Variants in CYP4F12 observed in about 807,000 individuals in gnomAD.
CYP4F12 encodes the protein cytochrome P450 4F12.
Under a neutral mutation model 56.5 loss-of-function variants are expected in CYP4F12, and 60 were observed. The ratio of observed to expected loss-of-function variants is 1.06; its 90% CI spans 0.86 to 1.32. The LOEUF is 1.32. CYP4F12 is among the 40% of genes most tolerant of loss of function. The pLI is 0.00. For missense variants in CYP4F12, 711 were observed against 683.5 expected (o/e 1.04, Z -0.45); for synonymous variants, 263 against 264.9 (o/e 0.99, Z 0.07).
rs777683740 is a variant in CYP4F12, at chr19:15,696,011, C to A, written c.1191C>A (p.Phe397Leu). ...ESLRLHPPAP[F>L]ISRCCTQDIV... is the part of the protein sequence containing the mutation. ...TGAGGTTACATCCCCCAGCTCCCTT[C>A]ATCTCCCGATGCTGCACCCAGGACA... Residue 397 changes from phenylalanine to leucine, a missense_variant, in exon 10 of 13, where the codon TTC becomes TTA. Phe to Leu is a conservative substitution (Grantham distance 22). Transcript: ENST00000550308. 3 of 1,614,068 alleles carry A rather than the reference C, an allele frequency of 1.9e-6. No individual in the cohort carries two copies. Among genetic ancestry groups the A allele is most frequent in the Non-Finnish European group, 1.7e-6 (2 of 1,179,986 alleles).
chr19:15,675,552 A>T (rs1568412791), intron 2 of CYP4F12, among the ~76,000 whole-genome samples: 1 of 152,232 alleles, frequency 6.6e-6, no homozygotes, highest in Non-Finnish European at 1.5e-5. Context: ...ACCTCCTTCC[A>T]TGGGGACCTT....
Position 15,680,288 on chromosome 19 carries a change from C to G in CYP4F12, c.388C>G (p.Pro130Ala), listed in dbSNP as rs1418409285. ...KDNLFIRFLK[P>A]WLGEGILLSG... ...TAATCTCTTCATCAGGTTCCTGAAG[C>G]CCTGGCTGGGTGAGTACCTGCAGGT... The change falls in exon 4 of 13, where the codon CCC (proline) becomes GCC (alanine). Residue 130 changes from proline to alanine, a missense_variant. By Grantham distance (27) the Pro-to-Ala change is conservative. Coordinates refer to ENST00000550308, the MANE Select transcript of CYP4F12 (RefSeq NM_023944.4). 2 of 1,611,894 alleles carry G rather than the reference C, an allele frequency of 1.2e-6. No individual in the cohort carries two copies.
chr19:15,682,543 C>T, intron 6 of CYP4F12, 33 bp downstream of exon 6: 1 of 1,610,428 alleles, frequency 6.2e-7, no homozygotes, highest in Non-Finnish European at 8.5e-7. Flanking sequence ...GGATATGAAT[C>T]CATGGACCAA....
intron 2 of CYP4F12, 106 bp downstream of exon 2, chr19:15,673,833 G>C (rs1471782428): frequency 1.5e-6 from 2 of 1,304,286 alleles, no homozygotes; most frequent in Non-Finnish European, 2.1e-6. Context: ...TGGGGTCTGC[G>C]ACCCCAGAGA....
rs944932677 is a variant in CYP4F12 at position 15,683,107 on chromosome 19, A to G, written c.648-386A>G. The stretch of plus-strand genomic sequence containing the variant: ...GACAGAGAGACAGAGAGAGAGAGAG[A>G]GAAAGAGAGAGAGAGTTGGTTATGC... On this transcript the variant is annotated intron_variant, in intron 6 of 12. Coordinates refer to ENST00000550308, the MANE Select transcript of CYP4F12 (RefSeq NM_023944.4). Among the ~76,000 whole-genome samples the G allele has an allele frequency of 5.3e-5, 8 of 152,174 alleles. No individual in the cohort carries two copies. The South Asian group carries it at 1.7e-3, about 32-fold the overall frequency.
chr19:15,683,477 T>C lies in CYP4F12; in HGVS notation c.648-16T>C, dbSNP rs542335728. ...TACGTTACATTGTTGCCTCCCTTTC[T>C]GCCCTTGCTCTGCAGGAGGCCCAGT... On this transcript the variant is annotated splice_polypyrimidine_tract_variant and intron_variant, in intron 6 of 12. Transcript: ENST00000550308. The C allele has an allele frequency of 3.2e-6, 5 of 1,570,706 alleles. No homozygotes were observed. The East Asian group carries it at 6.8e-5, about 21-fold the overall frequency.
chr19:15,696,719 C>T (rs540127435), intron 12 of CYP4F12, among the ~76,000 whole-genome samples, 189 bp from the exon 13 acceptor site: 1 of 152,314 alleles, frequency 6.6e-6, no homozygotes, highest in South Asian at 2.1e-4. Context: ...CTGGTCTGAG[C>T]TGGGAGCTGG....
Position 15,696,823 on chromosome 19 carries a change from T to G in CYP4F12, c.1398-85T>G, listed in dbSNP as rs527996990. 19 of 1,483,404 alleles carry G rather than the reference T, an allele frequency of 1.3e-5. No homozygotes were observed. The African/African-American group carries it at 2.5e-4, about 20-fold the overall frequency. 91.9% of individuals were successfully genotyped at this position (1,483,404 alleles called of 1,614,324 possible). A position where few individuals can be genotyped will look rare whatever the true frequency, so the allele number is the denominator to read the frequency against. ...CTCTCTCAGGCTGAGCTGGGTGCAG[T>G]TGGGGGTCCCAGGCCAGGTTCCTGG... On this transcript the variant is annotated intron_variant, in intron 12 of 12. Coordinates refer to ENST00000550308, the MANE Select transcript of CYP4F12 (RefSeq NM_023944.4).
intron 2 of CYP4F12, among the ~76,000 whole-genome samples, chr19:15,674,925 C>A (rs970246534): frequency 6.6e-6 from 1 of 152,154 alleles, no homozygotes; most frequent in Non-Finnish European, 1.5e-5. Flanking sequence ...GGACTTGAAG[C>A]CTTCTGAGCC....
chr19:15,693,348 T>C (rs651109), intron 9 of CYP4F12, among the ~76,000 whole-genome samples: 145,491 of 152,262 alleles, frequency 0.96, 69,543 homozygotes, highest in East Asian at 1. Flanking sequence ...CTCCTTTGCT[T>C]GATCTTAAAT....
At chr19:15,682,314 T>C in intron 5 of CYP4F12, 75 bp from the exon 6 acceptor site, 1 of 1,582,526 alleles carries the variant, frequency 6.3e-7, no homozygotes, top group Non-Finnish European at 8.6e-7. Flanking sequence ...GGGGAGTCCA[T>C]CCTGATGTTT....
At position 15,693,629 on chromosome 19, in the gene CYP4F12, T is replaced by G. The variant is rs543683922; in HGVS notation, c.1116-2307T>G. Among the ~76,000 whole-genome samples the G allele has an allele frequency of 1.3e-3, 198 of 149,762 alleles. 2 individuals carry two copies. The highest frequency in any genetic ancestry group is 4.4e-3 in the African/African-American group (176 of 40,342). On this transcript the variant is annotated intron_variant, in intron 9 of 12. Coordinates refer to ENST00000550308, the MANE Select transcript of CYP4F12 (RefSeq NM_023944.4). ...GTAGGTTGCGAAAATTTTCTCCCAT[T>G]TTGTACGTTGCCTGTTCACTCTGAT... is the stretch of plus-strand genomic sequence containing the variant.
chr19:15,696,523 C>T lies in CYP4F12; in HGVS notation c.1397+11C>T. On this transcript the variant is annotated intron_variant, in intron 12 of 12. Coordinates refer to ENST00000550308, the MANE Select transcript of CYP4F12 (RefSeq NM_023944.4). ...CTCCGCAGGGCCCAGGTAAGAGCGCCCTGTGTCTGAGGCAGGGATGGGATG... is the reference window on the plus strand; with the variant it reads ...CTCCGCAGGGCCCAGGTAAGAGCGCTCTGTGTCTGAGGCAGGGATGGGATG... The T allele has an allele frequency of 6.2e-7, 1 of 1,611,308 alleles. No individual in the cohort carries two copies. The highest frequency in any genetic ancestry group is 8.5e-7 in the Non-Finnish European group (1 of 1,179,308).
At chr19:15,694,729 C>A (rs2008040226) in intron 9 of CYP4F12, among the ~76,000 whole-genome samples, 1 of 152,138 alleles carries the variant, frequency 6.6e-6, no homozygotes, top group Non-Finnish European at 1.5e-5. Context: ...ACACTTTATG[C>A]AGCCAAAAAA....
chr19:15,695,528 ACT>A (rs2008086718), intron 9 of CYP4F12, among the ~76,000 whole-genome samples: 1 of 150,608 alleles, frequency 6.6e-6, no homozygotes, highest in Non-Finnish European at 1.5e-5. Context: ...AAATTGCATG[ACT>A]CTCCTTTTTT....
chr19:15,691,470 T>C (rs1278654851), intron 9 of CYP4F12, among the ~76,000 whole-genome samples: 1 of 152,222 alleles, frequency 6.6e-6, no homozygotes, highest in East Asian at 1.9e-4. Context: ...TCCCACAAAT[T>C]TGCCAATAGT....
chr19:15,681,715 T>C (rs2007310076), intron 5 of CYP4F12: 1 of 152,266 alleles, frequency 6.6e-6, no homozygotes, highest in African/African-American at 2.4e-5. Flanking sequence ...CTCTGAGAAA[T>C]GGCTCAGGTA....
Position 15,684,797 on chromosome 19 carries a change from T to C in CYP4F12, c.919-19T>C. The C allele has an allele frequency of 6.3e-7, 1 of 1,596,368 alleles. No homozygotes were observed. The highest frequency in any genetic ancestry group is 8.5e-7 in the Non-Finnish European group (1 of 1,169,688). On this transcript the variant is annotated intron_variant, in intron 7 of 12. Transcript: ENST00000550308. Reference sequence around the variant, plus strand: ...GTGTGTGTGTGTGTGTGTGTGTGTGTGTCTTGCTTTCTCTTCAGGATGAAG... The same window carrying C: ...GTGTGTGTGTGTGTGTGTGTGTGTGCGTCTTGCTTTCTCTTCAGGATGAAG...
At chr19:15,685,324 C>A in intron 9 of CYP4F12, 127 bp downstream of exon 9, 1 of 1,415,576 alleles carries the variant, frequency 7.1e-7, no homozygotes, top group Non-Finnish European at 9.5e-7. Context: ...AGCAGAGGAC[C>A]ACAGGCAGGG....
Sources: allele counts gnomAD v4.1 joint callset (sites outside exome capture counted in the v4.1 genomes callset), GRCh38; gene constraint gnomAD v4.1.1; transcripts MANE v1.5; gene names NCBI Gene and HGNC (gene_info 2026-07-23, HGNC 2026-07-21).